The following PCDHGA1 variants were observed in gnomAD, a reference collection of about 807,000 sequenced individuals.
PCDHGA1 encodes protocadherin gamma subfamily A, 1.
PCDHGA1 carries 32 observed loss-of-function variants against 58.0 expected under a neutral mutation model. The observed-to-expected ratio is 0.55, with a 90% CI of 0.42 to 0.74. The LOEUF (loss-of-function observed/expected upper bound fraction) is 0.74. Among genes scored for constraint, PCDHGA1 ranks in the 30% least tolerant of loss-of-function variants. The probability of loss-of-function intolerance (pLI) is 0.00; values close to 1 mark genes in which losing one functional copy is unlikely to be tolerated. For missense variants in PCDHGA1, 1,205 were observed against 1,182.3 expected, an observed-to-expected ratio of 1.02 and a Z score of -0.28; for synonymous variants, 498 against 501.1, an observed-to-expected ratio of 0.99 and a Z score of 0.08.
chr5:141,346,225 G>T lies in PCDHGA1; in HGVS notation c.2421+13120G>T, dbSNP rs779368925. On this transcript the variant is annotated intron_variant, in intron 1 of 3. Transcript: ENST00000517417. ...CGCCTGCTGCAGGCTTCGGGAGGCG[G>T]CTTGGCGAGTACGCCCGGCTCGCAC... 7 of 1,614,082 alleles carry T rather than the reference G, an allele frequency of 4.3e-6. No individual in the cohort carries two copies. In the African/African-American group the frequency reaches 8.0e-5, roughly 18 times the overall value.
At chr5:141,427,333 T>C (rs1157500463) in intron 1 of PCDHGA1, 1 of 457,322 alleles carries the variant, frequency 2.2e-6, no homozygotes, top group Non-Finnish European at 4.4e-6. Context: ...TTTACTTCAG[T>C]GTCCAGTTCT....
At chr5:141,385,542 A>T (rs3763123) in intron 1 of PCDHGA1, 69,535 of 1,326,660 alleles carry the variant, frequency 0.052, 2,028 homozygotes, top group African/African-American at 0.1. Flanking sequence ...GAATATGTGG[A>T]CTATCACATT....
rs200931939 is a variant in PCDHGA1, at chr5:141,423,096, C to T, written c.2422-71711C>T. On this transcript the variant is annotated intron_variant, in intron 1 of 3. Transcript: ENST00000517417. Reference sequence around the variant, plus strand: ...CGGGACTCTTCGCGGTGGGGGAGCACACGGGCGAGGTGCGTACAGCGCGGG... The same window carrying T: ...CGGGACTCTTCGCGGTGGGGGAGCATACGGGCGAGGTGCGTACAGCGCGGG... The T allele has an allele frequency of 3.8e-5, 61 of 1,613,974 alleles. No individual in the cohort carries two copies. In the East Asian group the frequency reaches 1.3e-3, roughly 35 times the overall value.
chr5:141,361,182 G>A (rs376882435), intron 1 of PCDHGA1: 56 of 1,613,766 alleles, frequency 3.5e-5, no homozygotes, highest in Non-Finnish European at 4.7e-5. Context: ...AAGTTATTGT[G>A]ACTTCAGTAT....
chr5:141,460,983 G>GTGTATA (rs1554142949), intron 1 of PCDHGA1, among the ~76,000 whole-genome samples: 24 of 137,844 alleles, frequency 1.7e-4, no homozygotes, highest in African/African-American at 5.4e-4. Context: ...GTGTGTGTGT[G>GTGTATA]TATATATATA....
At chr5:141,340,931 C>G in intron 1 of PCDHGA1, 7 of 1,613,892 alleles carry the variant, frequency 4.3e-6, no homozygotes, top group Non-Finnish European at 5.9e-6. Context: ...CCAGCCCCCT[C>G]TCTCCGCCAC....
chr5:141,399,538 T>G, intron 1 of PCDHGA1: 1 of 1,614,048 alleles, frequency 6.2e-7, no homozygotes, highest in Non-Finnish European at 8.5e-7. Context: ...CGCGCAAGTC[T>G]GCGCCTCGGA....
In PCDHGA1 at chr5:141,355,648, G is replaced by A. The variant is rs11575949; in HGVS notation, c.2421+22543G>A. The A allele has an allele frequency of 0.095, 152,832 of 1,613,828 alleles. 8,961 individuals carry two copies. Among genetic ancestry groups the A allele is most frequent in the African/African-American group, 0.29 (21,386 of 74,982 alleles). On this transcript the variant is annotated intron_variant, in intron 1 of 3. Transcript: ENST00000517417. ...AGTTGCTGAAAATGAAAATCCTGGG[G>A]CAAGATTTCCTCTTCCTGAAGCTTT... is the stretch of plus-strand genomic sequence containing the variant.
Position 141,486,271 on chromosome 5 carries a change from C to G in PCDHGA1, c.2422-8536C>G, listed in dbSNP as rs143039217. ...CCCTCCCCGAGAGTGCAGAACCTGG[C>G]ACTGTGGTGGCACTTATCAGTGTGC... On this transcript the variant is annotated intron_variant, in intron 1 of 3. Coordinates refer to ENST00000517417, the MANE Select transcript of PCDHGA1 (RefSeq NM_018912.3). The surrounding 1 kb of genome is among the most constrained non-coding windows in gnomAD (Gnocchi z 5.0). 6.2e-7 allele frequency: 1 copy of G among 1,613,968 alleles called. No homozygotes were observed. Among genetic ancestry groups the G allele is most frequent in the African/African-American group, 1.3e-5 (1 of 74,902 alleles).
At chr5:141,508,604 A>G (rs2099870124) in intron 3 of PCDHGA1, among the ~76,000 whole-genome samples, 1 of 152,150 alleles carries the variant, frequency 6.6e-6, no homozygotes, top group African/African-American at 2.4e-5. Flanking sequence ...TCTTGGGTGC[A>G]CATAGGACGT....
chr5:141,430,577 C>A, intron 1 of PCDHGA1: 1 of 464,652 alleles, frequency 2.2e-6, no homozygotes. Context: ...AAGCGGAGAT[C>A]CTGCTCGCCT....
intron 1 of PCDHGA1, among the ~76,000 whole-genome samples, chr5:141,460,983 GTA>G (rs59296681): frequency 1.2e-4 from 16 of 137,836 alleles, no homozygotes; most frequent in East Asian, 2.1e-4. Context: ...GTGTGTGTGT[GTA>G]TATATATATA....
chr5:141,500,498 C>T (rs1487770160), intron 2 of PCDHGA1, among the ~76,000 whole-genome samples: 5 of 152,120 alleles, frequency 3.3e-5, no homozygotes, highest in African/African-American at 7.2e-5. Context: ...CGTGAGCCAC[C>T]GCGCCTGGCC....
chr5:141,350,605 C>G, intron 1 of PCDHGA1: 1 of 1,613,998 alleles, frequency 6.2e-7, no homozygotes, highest in South Asian at 1.1e-5. Context: ...ATGTTTTCCA[C>G]GTGGTTGTTG....
Position 141,487,321 on chromosome 5 carries a change from T to C in PCDHGA1, c.2422-7486T>C. 1.2e-6 allele frequency: 2 copies of C among 1,614,198 alleles called. No individual in the cohort carries two copies. The highest frequency in any genetic ancestry group is 1.7e-6 in the Non-Finnish European group (2 of 1,180,040). Reference sequence around the variant, plus strand: ...TCGTGGCACTACTCTCTAAGTGTCTTCGTGGGGCAGCCTGTGGAGTCACAT... The same window carrying C: ...TCGTGGCACTACTCTCTAAGTGTCTCCGTGGGGCAGCCTGTGGAGTCACAT... On this transcript the variant is annotated intron_variant, in intron 1 of 3. Transcript: ENST00000517417. The surrounding 1 kb of genome is among the most constrained non-coding windows in gnomAD (Gnocchi z 5.0).
At chr5:141,346,139 C>G in intron 1 of PCDHGA1, 1 of 1,613,984 alleles carries the variant, frequency 6.2e-7, no homozygotes, top group Non-Finnish European at 8.5e-7. Context: ...CGGTCTCCTG[C>G]GTCTTCCTGG....
At position 141,331,530 on chromosome 5, in the gene PCDHGA1, C is replaced by G. The variant is rs17097185; in HGVS notation, c.846C>G (p.His282Gln). 2.6e-3 allele frequency: 4,132 copies of G among 1,614,152 alleles called. 111 individuals are homozygous for G. In the African/African-American group the frequency reaches 0.048, roughly 19 times the overall value. ...ATGGGGAAGTAACGTACTCCTTTCA[C>G]AATGTAGACCACAGAGTGGCCCAAA... ...GANGEVTYSFHNVDHRVAQIF... is the reference protein window; with the variant it reads ...GANGEVTYSFQNVDHRVAQIF... Residue 282 changes from histidine to glutamine, a missense_variant, in exon 1 of 4, where the codon CAC becomes CAG. Coordinates refer to ENST00000517417, the MANE Select transcript of PCDHGA1 (RefSeq NM_018912.3).
chr5:141,375,785 C>G, intron 1 of PCDHGA1: 1 of 1,614,256 alleles, frequency 6.2e-7, no homozygotes, highest in Non-Finnish European at 8.5e-7. Context: ...CCCCGCCCTC[C>G]CCACAGACGG....
chr5:141,486,271 C>T lies in PCDHGA1; in HGVS notation c.2422-8536C>T. 1 of 1,614,086 alleles carries T rather than the reference C, an allele frequency of 6.2e-7. No homozygotes were observed. Among genetic ancestry groups the T allele is most frequent in the Non-Finnish European group, 8.5e-7 (1 of 1,179,994 alleles). ...CCCTCCCCGAGAGTGCAGAACCTGG[C>T]ACTGTGGTGGCACTTATCAGTGTGC... On this transcript the variant is annotated intron_variant, in intron 1 of 3. Coordinates refer to ENST00000517417, the MANE Select transcript of PCDHGA1 (RefSeq NM_018912.3). The surrounding 1 kb of genome is among the most constrained non-coding windows in gnomAD (Gnocchi z 5.0).
Sources: allele counts gnomAD v4.1 joint callset (sites outside exome capture counted in the v4.1 genomes callset), GRCh38; gene constraint gnomAD v4.1.1; non-coding constraint Gnocchi (gnomAD v3.1); transcripts MANE v1.5; gene names NCBI Gene and HGNC (gene_info 2026-07-23, HGNC 2026-07-21).